CATSPERE: variants seen among roughly 807,000 people sequenced by gnomAD.
The protein encoded by CATSPERE is catsper channel auxiliary subunit epsilon, also known as cation channel sperm-associated auxiliary subunit epsilon.
In CATSPERE, 93 loss-of-function variants were observed where a neutral mutation model predicts 114.1. The ratio of observed to expected loss-of-function variants is 0.81; its 90% CI spans 0.69 to 0.97. The LOEUF is 0.97. Among genes scored for constraint, CATSPERE ranks in the 50% least tolerant of loss-of-function variants. The probability of loss-of-function intolerance (pLI) is 0.00; values close to 1 mark genes in which losing one functional copy is unlikely to be tolerated. For missense variants in CATSPERE, 1,058 were observed against 1,131.6 expected (o/e 0.93, Z 0.93); for synonymous variants, 341 against 384.1 (o/e 0.89, Z 1.31).
chr1:244,511,151 A>G (rs1675693070), intron 7 of CATSPERE, among the ~76,000 whole-genome samples: 1 of 152,152 alleles, frequency 6.6e-6, no homozygotes, highest in African/African-American at 2.4e-5. Context: ...CTGAATGCAT[A>G]TAACATTTCT....
intron 7 of CATSPERE, among the ~76,000 whole-genome samples, chr1:244,502,246 G>A (rs1272171018): frequency 7.9e-5 from 12 of 152,128 alleles, no homozygotes; most frequent in African/African-American, 2.9e-4. Context: ...TTGGGGGGAT[G>A]AATATTTGTA....
chr1:244,508,308 T>C (rs1433249815), intron 7 of CATSPERE, among the ~76,000 whole-genome samples: 6 of 150,144 alleles, frequency 4.0e-5, no homozygotes, highest in African/African-American at 9.7e-5. Context: ...CTTTTCTTTT[T>C]TTTTTTTTTT....
chr1:244,570,812 G>T (rs1664319780), intron 10 of CATSPERE, among the ~76,000 whole-genome samples: 1 of 152,170 alleles, frequency 6.6e-6, no homozygotes, highest in African/African-American at 2.4e-5. Context: ...ATTAGAAAAT[G>T]ATTTCACTGG....
chr1:244,512,082 T>C (rs1432533968), intron 7 of CATSPERE, among the ~76,000 whole-genome samples: 1 of 152,212 alleles, frequency 6.6e-6, no homozygotes, highest in Non-Finnish European at 1.5e-5. Context: ...TATCTATATA[T>C]CTTGCAAGGC....
At chr1:244,518,003 C>G (rs2148358060) in intron 7 of CATSPERE, among the ~76,000 whole-genome samples, 1 of 152,146 alleles carries the variant, frequency 6.6e-6, no homozygotes, top group Non-Finnish European at 1.5e-5. Flanking sequence ...TCTAGACTAG[C>G]CCTCATCATC....
At chr1:244,560,403 G>A (rs893404575) in intron 9 of CATSPERE, among the ~76,000 whole-genome samples, 3 of 151,566 alleles carry the variant, frequency 2.0e-5, no homozygotes, top group Middle Eastern at 3.4e-3. Flanking sequence ...AGACTTGGGC[G>A]GGGGTGGGGG....
chr1:244,636,256 G>A (rs903445063), intron 21 of CATSPERE, among the ~76,000 whole-genome samples: 1 of 152,246 alleles, frequency 6.6e-6, no homozygotes, highest in African/African-American at 2.4e-5. Flanking sequence ...CTCTGTTTTG[G>A]GCCTGGTGTT....
chr1:244,494,097 A>G (rs1672684911), intron 6 of CATSPERE, among the ~76,000 whole-genome samples: 1 of 152,112 alleles, frequency 6.6e-6, no homozygotes, highest in Non-Finnish European at 1.5e-5. Context: ...CCATCCCATT[A>G]CTGGGTATAT....
chr1:244,484,362 C>T (rs1226806864), intron 5 of CATSPERE, among the ~76,000 whole-genome samples: 9 of 152,042 alleles, frequency 5.9e-5, no homozygotes, highest in African/African-American at 1.7e-4. Context: ...CAAAAGACTC[C>T]GAATAGCCAA....
intron 11 of CATSPERE, among the ~76,000 whole-genome samples, chr1:244,581,225 A>T (rs1466574751): frequency 6.6e-6 from 1 of 152,096 alleles, no homozygotes; most frequent in African/African-American, 2.4e-5. Flanking sequence ...ATGAAAGTCC[A>T]TGTTGTTTTC....
chr1:244,513,669 T>C lies in CATSPERE; in HGVS notation c.430-4923T>C, dbSNP rs3003290. ...GTGGATCTATCCCTAGGTCCCCAGA[T>C]AGCATGCTGGGGCACTGGTAGTGGT... is the stretch of plus-strand genomic sequence containing the variant. On this transcript the variant is annotated intron_variant, in intron 7 of 21. Coordinates refer to ENST00000366534, the MANE Select transcript of CATSPERE (RefSeq NM_001130957.2). Among the ~76,000 whole-genome samples, 1,101 of 152,178 alleles carry C rather than the reference T, an allele frequency of 7.2e-3. 14 individuals carry two copies. Among genetic ancestry groups the C allele is most frequent in the African/African-American group, 0.025 (1,026 of 41,522 alleles).
chr1:244,508,580 C>T (rs1244663314), intron 7 of CATSPERE, among the ~76,000 whole-genome samples: 1 of 151,360 alleles, frequency 6.6e-6, no homozygotes, highest in Non-Finnish European at 1.5e-5. Context: ...GGATTACAGG[C>T]GTGAGCCACT....
rs1384517127 is a variant in CATSPERE at position 244,461,325 on chromosome 1, G to C, written c.-105G>C. 3 of 1,003,964 alleles carry C rather than the reference G, an allele frequency of 3.0e-6. No homozygotes were observed. The highest frequency in any genetic ancestry group is 7.3e-5 in the South Asian group (2 of 27,434). 62.2% of individuals were successfully genotyped at this position (1,003,964 alleles called of 1,614,324 possible). A position where few individuals can be genotyped will look rare whatever the true frequency, so the allele number is the denominator to read the frequency against. ...CCGGCCCGCCCTGTCCAGAGGCGCC[G>C]GGACCCAGGCGCCTGCAGCCGCCCG... is the stretch of plus-strand genomic sequence containing the variant. On this transcript the variant is annotated 5_prime_UTR_variant, in exon 1 of 22. Coordinates refer to ENST00000366534, the MANE Select transcript of CATSPERE (RefSeq NM_001130957.2).
chr1:244,506,233 G>A (rs1287494141), intron 7 of CATSPERE, among the ~76,000 whole-genome samples: 2 of 152,004 alleles, frequency 1.3e-5, no homozygotes, highest in Admixed American at 1.3e-4. Flanking sequence ...CCTTTTTAAG[G>A]CTGAATAATA....
intron 20 of CATSPERE, among the ~76,000 whole-genome samples, chr1:244,625,430 A>ATTTTTTTT (rs1476267922): frequency 4.6e-4 from 2 of 4,342 alleles, no homozygotes; most frequent in African/African-American, 5.5e-4. Flanking sequence ...ATATATATAT[A>ATTTTTTTT]TATTTTTTTT....
chr1:244,527,713 A>C (rs1175506070), intron 8 of CATSPERE, among the ~76,000 whole-genome samples: 2 of 152,232 alleles, frequency 1.3e-5, no homozygotes, highest in East Asian at 3.8e-4. Context: ...CAGTAAAGAC[A>C]GGTGTAAAAA....
At chr1:244,466,827 A>T (rs1667669002) in intron 2 of CATSPERE, among the ~76,000 whole-genome samples, 1 of 152,210 alleles carries the variant, frequency 6.6e-6, no homozygotes, top group Admixed American at 6.5e-5. Context: ...CTAATGAGGG[A>T]TGGTGCTCAA....
At chr1:244,487,442 G>T (rs1294994934) in intron 5 of CATSPERE, among the ~76,000 whole-genome samples, 3 of 152,130 alleles carry the variant, frequency 2.0e-5, no homozygotes, top group Non-Finnish European at 2.9e-5. Flanking sequence ...ACCCCCGAGG[G>T]TATTGCAGCC....
chr1:244,605,827 C>T, intron 18 of CATSPERE, 33 bp downstream of exon 18: 1 of 1,392,940 alleles, frequency 7.2e-7, no homozygotes, highest in Non-Finnish European at 1.0e-6. Context: ...CAGAATTTAG[C>T]ATGCAACTAG....
Sources: gnomAD v4.1 joint callset for allele counts (sites outside exome capture counted in the v4.1 genomes callset) on GRCh38, gnomAD v4.1.1 for gene constraint, MANE v1.5 for transcripts, NCBI Gene and HGNC (gene_info 2026-07-23, HGNC 2026-07-21) for gene names.